CAB39L: variants seen among roughly 807,000 people sequenced by gnomAD.
CAB39L encodes calcium-binding protein 39-like.
Under a neutral mutation model 39.1 loss-of-function variants are expected in CAB39L, and 23 were observed. The observed-to-expected ratio is 0.59, with a 90% CI of 0.42 to 0.83. The LOEUF (loss-of-function observed/expected upper bound fraction) is 0.83, where lower values mean the gene tolerates loss of function less well. Ranked by LOEUF, CAB39L falls within the 40% of genes least tolerant of loss-of-function variation. The pLI, the probability that CAB39L is intolerant of heterozygous loss-of-function variation, is 0.00. For missense variants in CAB39L, 366 were observed against 391.9 expected, an observed-to-expected ratio of 0.93 and a Z score of 0.56; for synonymous variants, 126 against 137.2, an observed-to-expected ratio of 0.92 and a Z score of 0.57.
chr13:49,411,623 C>T (rs11618847), intron 3 of CAB39L, among the ~76,000 whole-genome samples: 43,801 of 151,898 alleles, frequency 0.29, 7,230 homozygotes, highest in Middle Eastern at 0.4. Flanking sequence ...TATAGTAGAT[C>T]TTGGATTTCT....
chr13:49,419,809 A>T (rs1013695880), intron 3 of CAB39L, among the ~76,000 whole-genome samples: 1 of 152,174 alleles, frequency 6.6e-6, no homozygotes, highest in Non-Finnish European at 1.5e-5. Context: ...GCCAAATCTG[A>T]ACAAAGAGCT....
chr13:49,433,080 G>C (rs2138736738), intron 3 of CAB39L, among the ~76,000 whole-genome samples: 1 of 152,210 alleles, frequency 6.6e-6, no homozygotes, highest in Non-Finnish European at 1.5e-5. Context: ...ATCCATTCAT[G>C]TTAAAGGATA....
chr13:49,389,972 GCCA>G (rs1594042006), intron 3 of CAB39L, among the ~76,000 whole-genome samples: 1 of 152,070 alleles, frequency 6.6e-6, no homozygotes, highest in East Asian at 1.9e-4. Flanking sequence ...ACAGGCATGT[GCCA>G]CCATGTCCGG....
At chr13:49,320,985 G>A (rs1954321324) in intron 10 of CAB39L, among the ~76,000 whole-genome samples, 1 of 152,174 alleles carries the variant, frequency 6.6e-6, no homozygotes, top group Admixed American at 6.5e-5. Context: ...GAGGGTGGTG[G>A]AGGCCAGCAG....
chr13:49,417,111 T>C (rs1273094503), intron 3 of CAB39L, among the ~76,000 whole-genome samples: 2 of 152,240 alleles, frequency 1.3e-5, no homozygotes, highest in Non-Finnish European at 2.9e-5. Flanking sequence ...CTGATTAAGA[T>C]AATGGTTGGA....
Position 49,359,813 on chromosome 13 carries a change from T to C in CAB39L, c.296A>G (p.Gln99Arg), listed in dbSNP as rs1955583514. The part of the protein sequence containing the change: ...IDFEGKKDVT[Q>R]IFNNILRRQI... ...TCTTCTCAAGATGTTGTTAAATATCTGGGTCACATCTTTTTTTCCCTGTTA... is the reference window on the plus strand; with the variant it reads ...TCTTCTCAAGATGTTGTTAAATATCCGGGTCACATCTTTTTTTCCCTGTTA... Residue 99 changes from glutamine to arginine, a missense_variant, in exon 6 of 11, where the codon CAG becomes CGG. Gln to Arg is a conservative substitution (Grantham distance 43). Coordinates refer to ENST00000409308, the MANE Select transcript of CAB39L (RefSeq NM_001079670.3). 1 of 1,609,966 alleles carries C rather than the reference T, an allele frequency of 6.2e-7. No individual in the cohort carries two copies. Among genetic ancestry groups the C allele is most frequent in the Non-Finnish European group, 8.5e-7 (1 of 1,176,620 alleles).
At chr13:49,378,418 T>G (rs1371442649) in intron 4 of CAB39L, among the ~76,000 whole-genome samples, 1 of 44,858 alleles carries the variant, frequency 2.2e-5, no homozygotes, top group African/African-American at 1.6e-4. Context: ...GGTGGGGGGG[T>G]CAGCCCCCCG....
intron 9 of CAB39L, among the ~76,000 whole-genome samples, chr13:49,334,670 C>T (rs557135590): frequency 6.6e-6 from 1 of 152,310 alleles, no homozygotes; most frequent in Non-Finnish European, 1.5e-5. Flanking sequence ...CCCTTACAAC[C>T]TAACTGTGTG....
chr13:49,341,934 G>A (rs977024273), intron 8 of CAB39L, among the ~76,000 whole-genome samples: 2 of 151,892 alleles, frequency 1.3e-5, no homozygotes, highest in African/African-American at 4.8e-5. Context: ...TTGATTCTGT[G>A]GCTATTTCCT....
At chr13:49,328,667 C>T (rs1954574828) in intron 10 of CAB39L, among the ~76,000 whole-genome samples, 1 of 151,976 alleles carries the variant, frequency 6.6e-6, no homozygotes. Flanking sequence ...CTCATCACTG[C>T]AAATAATAAA....
chr13:49,425,093 T>A (rs576405439), intron 3 of CAB39L, among the ~76,000 whole-genome samples: 85 of 152,072 alleles, frequency 5.6e-4, no homozygotes, highest in Non-Finnish European at 1.0e-3. Context: ...AAATAGGATG[T>A]CAGTTTAGAA....
At chr13:49,322,512 T>G (rs550077559) in intron 10 of CAB39L, among the ~76,000 whole-genome samples, 2 of 152,364 alleles carry the variant, frequency 1.3e-5, no homozygotes, top group Admixed American at 1.3e-4. Context: ...TTTACTGTTA[T>G]GCAGATGCAA....
At chr13:49,443,895 G>T (rs923605665) in intron 1 of CAB39L, 91 bp downstream of exon 1, 7 of 456,336 alleles carry the variant, frequency 1.5e-5, no homozygotes, top group Admixed American at 2.4e-5. Context: ...GTTCTCTCCG[G>T]ACCCCTCCAC....
intron 6 of CAB39L, among the ~76,000 whole-genome samples, chr13:49,357,442 G>A (rs530999223): frequency 6.6e-6 from 1 of 152,310 alleles, no homozygotes; most frequent in Admixed American, 6.5e-5. Context: ...GTGAAGGAAT[G>A]AGTTAAAAGT....
At chr13:49,327,774 C>T (rs1228080633) in intron 10 of CAB39L, among the ~76,000 whole-genome samples, 2 of 152,104 alleles carry the variant, frequency 1.3e-5, no homozygotes, top group African/African-American at 2.4e-5. Flanking sequence ...TTATTTTAAC[C>T]CATTATTATG....
At position 49,377,079 on chromosome 13, in the gene CAB39L, C is replaced by A. The variant is rs1956089205; in HGVS notation, c.164G>T (p.Gly55Val). 6.2e-7 allele frequency: 1 copy of A among 1,613,436 alleles called. No individual in the cohort carries two copies. Among genetic ancestry groups the A allele is most frequent in the African/African-American group, 1.3e-5 (1 of 74,910 alleles). ...TGTTGGGGGTTCTTTCTCGTTTGTA[C>A]CACACAGAATTTCTTTCATTGCTTG... ...SLQAMKEILC[G>V]TNEKEPPTEA... Residue 55 changes from glycine to valine, a missense_variant, in exon 5 of 11, where the codon GGT becomes GTT. Gly to Val is a moderately radical substitution (Grantham distance 109). Coordinates refer to ENST00000409308, the MANE Select transcript of CAB39L (RefSeq NM_001079670.3).
intron 10 of CAB39L, among the ~76,000 whole-genome samples, chr13:49,324,840 C>G (rs964344302): frequency 6.6e-6 from 1 of 152,178 alleles, no homozygotes; most frequent in Non-Finnish European, 1.5e-5. Flanking sequence ...TTGGGATCTA[C>G]AAATTTCATA....
chr13:49,358,718 TG>T (rs1216413783), intron 6 of CAB39L, among the ~76,000 whole-genome samples: 1 of 151,676 alleles, frequency 6.6e-6, no homozygotes, highest in Non-Finnish European at 1.5e-5. Flanking sequence ...AAATTAGCCA[TG>T]CGTGGTGATG....
chr13:49,377,184 T>C (rs1296111196), intron 4 of CAB39L, 53 bp from the exon 5 acceptor site: 3 of 1,465,828 alleles, frequency 2.0e-6, no homozygotes, highest in East Asian at 2.3e-5. Flanking sequence ...GTTTAGGCCA[T>C]AAACAAACAA....
Sources: gnomAD v4.1 joint callset for allele counts (sites outside exome capture counted in the v4.1 genomes callset) on GRCh38, gnomAD v4.1.1 for gene constraint, MANE v1.5 for transcripts, NCBI Gene and HGNC (gene_info 2026-07-23, HGNC 2026-07-21) for gene names.